Variants in PSG11 observed in about 807,000 individuals in gnomAD.
The protein encoded by PSG11 is pregnancy specific beta-1-glycoprotein 11, also known as pregnancy-specific beta-1-glycoprotein 11.
In PSG11, 42 loss-of-function variants were observed where a neutral mutation model predicts 36.0. That is an observed-to-expected ratio of 1.17 (90% CI 0.91 to 1.51). The LOEUF (loss-of-function observed/expected upper bound fraction) is 1.51, where lower values mean the gene tolerates loss of function less well. Among genes scored for constraint, PSG11 ranks in the 40% most tolerant of loss-of-function variants. The pLI, the probability that PSG11 is intolerant of heterozygous loss-of-function variation, is 0.00. For missense variants in PSG11, 558 were observed against 403.5 expected, an observed-to-expected ratio of 1.38 and a Z score of -3.28; for synonymous variants, 206 against 153.5, an observed-to-expected ratio of 1.34 and a Z score of -2.53.
In PSG11 at chr19:43,018,759, A is replaced by G. The variant is rs9789252; in HGVS notation, c.709+11T>C. The G allele has an allele frequency of 5.6e-6, 9 of 1,611,370 alleles. No individual in the cohort carries two copies. The highest frequency in any genetic ancestry group is 1.3e-5 in the African/African-American group (1 of 74,196). ...GGCAGCCTGGCTCACAGAGGAACAG[A>G]AGATACTCACGGAGGAGATTCAGGG... On this transcript the variant is annotated intron_variant, in intron 3 of 5. Coordinates refer to ENST00000320078, the MANE Select transcript of PSG11 (RefSeq NM_002785.3).
At chr19:43,009,676 TA>T (rs1974023244) in intron 5 of PSG11, among the ~76,000 whole-genome samples, 1 of 151,340 alleles carries the variant, frequency 6.6e-6, no homozygotes. Context: ...TGAGATATGT[TA>T]AAAATAATGA....
Position 43,015,303 on chromosome 19 carries a change from C to G in PSG11, c.777G>C (p.Leu259Phe). ...TSYYSGENLD[L>F]SCFANSNPPA... ...GTGGGTTAGAGTTTGCGAAGCAGGACAAGTCGAGGTTCTCTCCTGAATAGT... is the reference window on the plus strand; with the variant it reads ...GTGGGTTAGAGTTTGCGAAGCAGGAGAAGTCGAGGTTCTCTCCTGAATAGT... Residue 259 changes from leucine to phenylalanine, a missense_variant, in exon 4 of 6, where the codon TTG (leucine) becomes TTC (phenylalanine). Coordinates refer to ENST00000320078, the MANE Select transcript of PSG11 (RefSeq NM_002785.3). 1.9e-6 allele frequency: 3 copies of G among 1,610,296 alleles called. No individual in the cohort carries two copies. Among genetic ancestry groups the G allele is most frequent in the Non-Finnish European group, 2.5e-6 (3 of 1,177,432 alleles).
chr19:43,023,124 G>A (rs1295340020), intron 2 of PSG11, among the ~76,000 whole-genome samples: 1 of 150,550 alleles, frequency 6.6e-6, no homozygotes, highest in Non-Finnish European at 1.5e-5. Context: ...GAACCCTCTG[G>A]TGGCCAAAGA....
intron 1 of PSG11, among the ~76,000 whole-genome samples, chr19:43,025,641 T>C (rs1339735194): frequency 7.2e-6 from 1 of 139,222 alleles, no homozygotes; most frequent in Non-Finnish European, 1.5e-5. Flanking sequence ...CTCAGGGCCG[T>C]CCACGCCCTG....
chr19:43,020,426 T>C (rs1057090145), intron 2 of PSG11, among the ~76,000 whole-genome samples: 1 of 151,208 alleles, frequency 6.6e-6, no homozygotes, highest in Admixed American at 6.6e-5. Context: ...TGCTCCATAT[T>C]TAATACTGTA....
At position 43,025,562 on chromosome 19, in the gene PSG11, G is replaced by A. The variant is rs545353802; in HGVS notation, c.65-506C>T. Among the ~76,000 whole-genome samples, 20 of 151,016 alleles carry A rather than the reference G, an allele frequency of 1.3e-4. 1 individual carries two copies. The highest frequency in any genetic ancestry group is 2.8e-4 in the Non-Finnish European group (19 of 67,808). Reference sequence around the variant, plus strand: ...GGCAGCATGAGCTCCGTGAGGACAGGGACTTTTGTGATCTTGGTTGCACCC... The same window carrying A: ...GGCAGCATGAGCTCCGTGAGGACAGAGACTTTTGTGATCTTGGTTGCACCC... On this transcript the variant is annotated intron_variant, in intron 1 of 5. Transcript: ENST00000320078.
At chr19:43,014,441 G>A (rs1376525136) in intron 4 of PSG11, 53 of 960,174 alleles carry the variant, frequency 5.5e-5, no homozygotes, top group Non-Finnish European at 6.2e-5. Context: ...TTCAGAGCCA[G>A]GACGCAGCTC....
chr19:43,015,031 A>C, intron 4 of PSG11, 85 bp downstream of exon 4: 1 of 1,606,634 alleles, frequency 6.2e-7, no homozygotes, highest in Non-Finnish European at 8.5e-7. Context: ...CAGGCTGGGA[A>C]TAAAAATGTT....
In PSG11 at chr19:43,009,505, A is replaced by G. The variant is rs373424056; in HGVS notation, c.*40+453T>C. Among the ~76,000 whole-genome samples, 9 of 151,296 alleles carry G rather than the reference A, an allele frequency of 5.9e-5. 1 individual carries two copies. In the East Asian group the frequency reaches 1.2e-3, roughly 20 times the overall value. On this transcript the variant is annotated intron_variant, in intron 5 of 5. Coordinates refer to ENST00000320078, the MANE Select transcript of PSG11 (RefSeq NM_002785.3). ...GAAATGTGAACTTATCAAATAGGCT[A>G]GTGTATACCCCTGGAGATTCTTGAT...
chr19:43,024,868 C>G lies in PSG11; in HGVS notation c.253G>C (p.Asp85His), dbSNP rs1377084631. ...LYHYITSYVV[D>H]GQIIIYGPAY... ...GGTCCATATATAATTATTTGACCGT[C>G]TACTACATATGATGTAATGTAATGG... The change falls in exon 2 of 6, where the codon GAC becomes CAC. Residue 85 changes from aspartate to histidine, a missense_variant. Coordinates refer to ENST00000320078, the MANE Select transcript of PSG11 (RefSeq NM_002785.3). The G allele has an allele frequency of 6.2e-7, 1 of 1,611,630 alleles. No homozygotes were observed. The highest frequency in any genetic ancestry group is 1.3e-5 in the African/African-American group (1 of 74,200).
rs1335449566 is a variant in PSG11, at chr19:43,010,439, A to G, written c.965-398T>C. 2.1e-6 allele frequency: 3 copies of G among 1,447,716 alleles called. No homozygotes were observed. In the African/African-American group the frequency reaches 4.3e-5, roughly 21 times the overall value. 89.7% of individuals were successfully genotyped at this position (1,447,716 alleles called of 1,614,324 possible). A position where few individuals can be genotyped will look rare whatever the true frequency, so the allele number is the denominator to read the frequency against. ...TCCATGGCAGGGACCTGATTGACAG[A>G]AGGCCCAGGTCAGTGCATTTCAAAT... On this transcript the variant is annotated intron_variant, in intron 4 of 5. Transcript: ENST00000320078.
At chr19:43,010,949 A>G (rs1474934966) in intron 4 of PSG11, among the ~76,000 whole-genome samples, 1 of 149,818 alleles carries the variant, frequency 6.7e-6, no homozygotes, top group Non-Finnish European at 1.5e-5. Flanking sequence ...GGCACTTCCT[A>G]TGTGCCAGGC....
rs763623517 is a variant in PSG11 at position 43,015,889 on chromosome 19, G to C, written c.710-519C>G. 6.8e-5 allele frequency: 109 copies of C among 1,609,846 alleles called. 7 individuals are homozygous for C. Among genetic ancestry groups the C allele is most frequent in the Admixed American group, 2.7e-4 (16 of 59,860 alleles). ...TAGAATGAGGATCCTGTTTTCAATG[G>C]GTCGCTTTACCCTGGGACTGACCGG... On this transcript the variant is annotated intron_variant, in intron 3 of 5. Coordinates refer to ENST00000320078, the MANE Select transcript of PSG11 (RefSeq NM_002785.3).
intron 4 of PSG11, among the ~76,000 whole-genome samples, chr19:43,011,803 A>C (rs534930149): frequency 6.6e-6 from 1 of 150,868 alleles, no homozygotes; most frequent in South Asian, 2.1e-4. Flanking sequence ...AAGAAGGAGA[A>C]TTGCTTGAGC....
At chr19:43,015,905 G>A in intron 3 of PSG11, 1 of 1,610,000 alleles carries the variant, frequency 6.2e-7, no homozygotes, top group South Asian at 1.1e-5. Flanking sequence ...TTTACCCTGG[G>A]ACTGACCGGG....
rs112900798 is a variant in PSG11, at chr19:43,018,660, C to T, written c.709+110G>A. On this transcript the variant is annotated intron_variant, in intron 3 of 5. Transcript: ENST00000320078. ...GAAAGTCATGGCCAGCTTTGATGTC[C>T]AGTGGTAAAGGTCTCTGTACTTGGA... 5.0e-5 allele frequency: 80 copies of T among 1,601,404 alleles called. 2 individuals carry two copies. In the African/African-American group the frequency reaches 5.8e-4, roughly 12 times the overall value.
Position 43,018,903 on chromosome 19 carries a change from C to G in PSG11, c.576G>C (p.Arg192Ser). 1.2e-6 allele frequency: 2 copies of G among 1,612,070 alleles called. No individual in the cohort carries two copies. Among genetic ancestry groups the G allele is most frequent in the Non-Finnish European group, 1.7e-6 (2 of 1,179,084 alleles). The change falls in exon 3 of 6, where the codon AGG becomes AGC. Residue 192 changes from arginine to serine, a missense_variant. Arg to Ser is a moderately radical substitution (Grantham distance 110, BLOSUM62 -1). Coordinates refer to ENST00000320078, the MANE Select transcript of PSG11 (RefSeq NM_002785.3). The part of the protein sequence containing the change: ...MNGQSLPMTH[R>S]MQLSETNRTL... ...TCCTGTTGGTTTCAGACAGCTGCAT[C>G]CTATGAGTCATAGGGAGGCTCTGAC... is the stretch of plus-strand genomic sequence containing the variant.
chr19:43,014,018 CA>C (rs1256020908), intron 4 of PSG11: 1 of 151,246 alleles, frequency 6.6e-6, no homozygotes, highest in East Asian at 1.9e-4. Flanking sequence ...AAGCCAGACA[CA>C]AAAGGTAATT....
At chr19:43,008,627 A>T (rs1973992867) in intron 5 of PSG11, among the ~76,000 whole-genome samples, 1 of 151,372 alleles carries the variant, frequency 6.6e-6, no homozygotes. Flanking sequence ...GAGAAGGTTT[A>T]GCATCACTTA....
Sources: allele counts gnomAD v4.1 joint callset (sites outside exome capture counted in the v4.1 genomes callset), GRCh38; gene constraint gnomAD v4.1.1; transcripts MANE v1.5; gene names NCBI Gene and HGNC (gene_info 2026-07-23, HGNC 2026-07-21).